The following DLGAP2 variants were observed in gnomAD, a reference collection of about 807,000 sequenced individuals.
The protein encoded by DLGAP2 is DLG associated protein 2, also known as disks large-associated protein 2.
In DLGAP2, 26 loss-of-function variants were observed where a neutral mutation model predicts 100.3. The ratio of observed to expected loss-of-function variants is 0.26; its 90% confidence interval spans 0.19 to 0.36. The LOEUF (loss-of-function observed/expected upper bound fraction) is 0.36. Ranked by LOEUF, DLGAP2 falls within the 10% of genes least tolerant of loss-of-function variation. The probability of loss-of-function intolerance (pLI) is 1.00; values close to 1 mark genes in which losing one functional copy is unlikely to be tolerated. For synonymous variants in DLGAP2, 886 were observed against 630.1 expected (o/e 1.41, Z -6.08); for missense variants, 1,858 against 1,453.2 (o/e 1.28, Z -4.53).
At position 1,012,189 on chromosome 8, in the gene DLGAP2, T is replaced by C. The variant is rs187470333; in HGVS notation, c.73+104223T>C. On this transcript the variant is annotated intron_variant, in intron 2 of 14. Coordinates refer to ENST00000637795, the MANE Select transcript of DLGAP2 (RefSeq NM_001346810.2). ...TCCTTGAAGTTCTGCCTTTTAATTT[T>C]CGTCCTCACTCAGGCCTGACATGTC... 1.7e-3 allele frequency among the ~76,000 whole-genome samples: 258 copies of C among 152,342 alleles called. 2 individuals are homozygous for C. Among genetic ancestry groups the C allele is most frequent in the African/African-American group, 5.9e-3 (247 of 41,568 alleles).
chr8:1,173,729 C>T (rs116485224), intron 2 of DLGAP2, among the ~76,000 whole-genome samples: 15 of 152,086 alleles, frequency 9.9e-5, no homozygotes, highest in African/African-American at 2.7e-4. Context: ...TTAAGCCCAT[C>T]GGAAAAAGCA....
At position 1,287,765 on chromosome 8, in the gene DLGAP2, G is replaced by T. The variant is rs1410280053; in HGVS notation, c.106+28882G>T. Among the ~76,000 whole-genome samples, 2 of 46,762 alleles carry T rather than the reference G, an allele frequency of 4.3e-5. 1 individual carries two copies. Among genetic ancestry groups the T allele is most frequent in the Non-Finnish European group, 8.1e-5 (2 of 24,540 alleles). 30.7% of individuals were successfully genotyped at this position (46,762 alleles called of 152,430 possible). On this transcript the variant is annotated intron_variant, in intron 3 of 14. Transcript: ENST00000637795. ...AGGGGAACTAGTTTTGGTTCAGCGT[G>T]TGTGTGTGTGTGTGTCTGTGTGTAT... is the stretch of plus-strand genomic sequence containing the variant.
chr8:1,678,182 C>G (rs115596193), intron 11 of DLGAP2, 32 bp from the exon 12 acceptor site: 1 of 1,578,680 alleles, frequency 6.3e-7, no homozygotes, highest in Non-Finnish European at 8.6e-7. Flanking sequence ...CTCAGAAGGG[C>G]TACCATCTGT....
Position 1,514,300 on chromosome 8 carries a change from G to A in DLGAP2, c.172+12869G>A, listed in dbSNP as rs540436083. ...TGCGACTATTCCCAGAAGGCTTCCC[G>A]CATCCTGCGAAGCGAAGGGTAACCC... On this transcript the variant is annotated intron_variant, in intron 4 of 14. Transcript: ENST00000637795. 9.1e-4 allele frequency among the ~76,000 whole-genome samples: 139 copies of A among 152,302 alleles called. 1 individual carries two copies. Among genetic ancestry groups the A allele is most frequent in the African/African-American group, 3.1e-3 (128 of 41,552 alleles).
At chr8:1,002,075 C>A (rs1800975556) in intron 2 of DLGAP2, 2 of 152,212 alleles carry the variant, frequency 1.3e-5, no homozygotes, top group East Asian at 3.8e-4. Context: ...TGTCTTCCAC[C>A]TGCTTAAATG....
chr8:1,027,274 G>T (rs959399790), intron 2 of DLGAP2, among the ~76,000 whole-genome samples: 7 of 152,238 alleles, frequency 4.6e-5, no homozygotes, highest in Admixed American at 4.6e-4. Flanking sequence ...TTACACGCCC[G>T]TGGTGCTGCA....
At chr8:751,070 C>T (rs1820778254) in intron 1 of DLGAP2, among the ~76,000 whole-genome samples, 1 of 150,122 alleles carries the variant, frequency 6.7e-6, no homozygotes, top group African/African-American at 2.5e-5. Flanking sequence ...TCCGGCCACC[C>T]TCTCACGGGA....
At chr8:921,096 T>C (rs1371044311) in intron 2 of DLGAP2, among the ~76,000 whole-genome samples, 1 of 152,238 alleles carries the variant, frequency 6.6e-6, no homozygotes, top group African/African-American at 2.4e-5. Context: ...CCTTGCCTTG[T>C]CTTCCTTCTT....
intron 2 of DLGAP2, among the ~76,000 whole-genome samples, chr8:1,013,244 G>A (rs1320231733): frequency 5.9e-5 from 9 of 152,202 alleles, no homozygotes; most frequent in Admixed American, 3.9e-4. Context: ...GGTGTGAAAA[G>A]TTAAGCATTT....
At chr8:1,301,670 A>C (rs1193318846) in intron 3 of DLGAP2, 1 of 152,234 alleles carries the variant, frequency 6.6e-6, no homozygotes, top group Non-Finnish European at 1.5e-5. Context: ...TTTTACAAAT[A>C]AACAAGTTGG....
intron 8 of DLGAP2, among the ~76,000 whole-genome samples, chr8:1,665,391 C>T (rs188957406): frequency 6.6e-6 from 1 of 152,282 alleles, no homozygotes; most frequent in Admixed American, 6.5e-5. Context: ...CTCCCTGTTG[C>T]ATTTGCCTGT....
chr8:1,229,700 C>T (rs1230989977), intron 2 of DLGAP2, among the ~76,000 whole-genome samples: 4 of 152,124 alleles, frequency 2.6e-5, no homozygotes, highest in Non-Finnish European at 1.5e-5. Context: ...TCTTGGGATG[C>T]AAGGTTGGTT....
chr8:1,567,898 C>T (rs1266073827), intron 6 of DLGAP2, among the ~76,000 whole-genome samples: 1 of 152,212 alleles, frequency 6.6e-6, no homozygotes, highest in African/African-American at 2.4e-5. Flanking sequence ...TAACACCTGA[C>T]CAGAAAGCAT....
intron 2 of DLGAP2, among the ~76,000 whole-genome samples, chr8:1,252,388 T>C (rs1412019347): frequency 6.6e-6 from 1 of 152,000 alleles, no homozygotes; most frequent in Non-Finnish European, 1.5e-5. Context: ...GTCACATGGG[T>C]GTGTTGTGTT....
chr8:1,216,707 T>C (rs965662508), intron 2 of DLGAP2, among the ~76,000 whole-genome samples: 4 of 152,130 alleles, frequency 2.6e-5, no homozygotes, highest in Admixed American at 2.6e-4. Context: ...CGATCTCATA[T>C]TACCTAGCCC....
intron 3 of DLGAP2, among the ~76,000 whole-genome samples, chr8:1,324,385 G>T (rs919169016): frequency 6.6e-6 from 1 of 152,168 alleles, no homozygotes; most frequent in Non-Finnish European, 1.5e-5. Flanking sequence ...CTGTAAGAAA[G>T]TTAGATTGAT....
chr8:1,361,609 C>T lies in DLGAP2; in HGVS notation c.106+102726C>T, dbSNP rs1563105454. Among the ~76,000 whole-genome samples, 2 of 152,244 alleles carry T rather than the reference C, an allele frequency of 1.3e-5. 1 individual carries two copies. The highest frequency in any genetic ancestry group is 4.1e-4 in the South Asian group (2 of 4,834). On this transcript the variant is annotated intron_variant, in intron 3 of 14. Coordinates refer to ENST00000637795, the MANE Select transcript of DLGAP2 (RefSeq NM_001346810.2). ...GTTACTGAGCTTGATACATTCTTAA[C>T]TCACTGCATCGTTTAAACGGAGCAT...
intron 2 of DLGAP2, among the ~76,000 whole-genome samples, chr8:977,628 C>G (rs991886291): frequency 6.6e-6 from 1 of 152,196 alleles, no homozygotes; most frequent in Non-Finnish European, 1.5e-5. Flanking sequence ...TTAGTAAACT[C>G]TATAAAACTG....
chr8:1,501,900 G>A (rs1229489755), intron 4 of DLGAP2, among the ~76,000 whole-genome samples: 4 of 152,180 alleles, frequency 2.6e-5, no homozygotes, highest in Non-Finnish European at 4.4e-5. Context: ...AGGCTGCCAC[G>A]ACACACTTTC....
Sources: allele counts gnomAD v4.1 joint callset (sites outside exome capture counted in the v4.1 genomes callset), GRCh38; gene constraint gnomAD v4.1.1; transcripts MANE v1.5; gene names NCBI Gene and HGNC (gene_info 2026-07-23, HGNC 2026-07-21).